Variants in TMCO5A observed in about 807,000 individuals in gnomAD.
TMCO5A encodes the protein transmembrane and coiled-coil domains 5A.
In TMCO5A, 34 loss-of-function variants were observed where a neutral mutation model predicts 42.3. The ratio of observed to expected loss-of-function variants is 0.80; its 90% CI spans 0.61 to 1.07. The LOEUF is 1.07. TMCO5A is among the 50% of genes least tolerant of loss of function. TMCO5A has a pLI of 0.00. For synonymous variants in TMCO5A, 131 were observed against 115.6 expected, an observed-to-expected ratio of 1.13 and a Z score of -0.86; for missense variants, 357 against 327.9, an observed-to-expected ratio of 1.09 and a Z score of -0.69.
the TMCO5A span, among the ~76,000 whole-genome samples, chr15:38,026,278 C>T: frequency 6.3e-4 from 96 of 152,162 alleles, no homozygotes; most frequent in Non-Finnish European, 9.7e-4. Flanking sequence ...CAATAAGGTC[C>T]AGGCTGAGGT....
chr15:37,992,097 T>A, the TMCO5A span, among the ~76,000 whole-genome samples: 2 of 152,076 alleles, frequency 1.3e-5, no homozygotes, highest in African/African-American at 4.8e-5. Flanking sequence ...TGCAAAACTA[T>A]GTATCTGACA....
At chr15:38,022,025 TG>T in the TMCO5A span, among the ~76,000 whole-genome samples, 4 of 152,138 alleles carry the variant, frequency 2.6e-5, no homozygotes, top group African/African-American at 9.7e-5. Flanking sequence ...TTGGCCAGGA[TG>T]GTCTCGATCT....
chr15:37,936,810 A>G, intron 3 of TMCO5A, 37 bp from the exon 4 acceptor site: 1 of 1,608,534 alleles, frequency 6.2e-7, no homozygotes, highest in South Asian at 1.1e-5. Context: ...GAAACTGCCA[A>G]GCATGGGTCC....
intron 8 of TMCO5A, 141 bp downstream of exon 8, chr15:37,941,871 C>T (rs1476449353): frequency 1.4e-6 from 1 of 697,408 alleles, no homozygotes; most frequent in Non-Finnish European, 2.5e-6. Context: ...GTCATCAGCA[C>T]CCCACCTCAC....
the TMCO5A span, among the ~76,000 whole-genome samples, chr15:38,037,900 C>T: frequency 6.6e-6 from 1 of 151,838 alleles, no homozygotes; most frequent in Non-Finnish European, 1.5e-5. Context: ...GCAGTCCCAG[C>T]TACTCTGGAG....
chr15:38,003,749 A>T, the TMCO5A span, among the ~76,000 whole-genome samples: 3 of 151,958 alleles, frequency 2.0e-5, no homozygotes, highest in African/African-American at 4.8e-5. Flanking sequence ...CTCTTCAGTC[A>T]GCTTGTGGTG....
the TMCO5A span, among the ~76,000 whole-genome samples, chr15:37,990,755 C>T: frequency 6.6e-6 from 1 of 151,928 alleles, no homozygotes; most frequent in East Asian, 1.9e-4. Context: ...TATTGAAACA[C>T]TGTAATTTCC....
the TMCO5A span, among the ~76,000 whole-genome samples, chr15:37,991,532 T>C: frequency 1.3e-5 from 2 of 152,250 alleles, no homozygotes; most frequent in East Asian, 1.9e-4. Context: ...TTTCTCTGAA[T>C]ACTCTCTGCT....
At chr15:37,995,728 T>A in the TMCO5A span, among the ~76,000 whole-genome samples, 1 of 152,146 alleles carries the variant, frequency 6.6e-6, no homozygotes, top group Non-Finnish European at 1.5e-5. Context: ...GCTGCAAAAA[T>A]TATTTTTATC....
chr15:37,953,947 C>G (rs191130466), downstream of TMCO5A, among the ~76,000 whole-genome samples: 2 of 151,548 alleles, frequency 1.3e-5, no homozygotes, highest in African/African-American at 4.9e-5. Context: ...CTTTTAATAG[C>G]AGAATTGATC....
At chr15:37,991,612 G>C in the TMCO5A span, among the ~76,000 whole-genome samples, 2 of 151,962 alleles carry the variant, frequency 1.3e-5, no homozygotes, top group Admixed American at 6.6e-5. Context: ...GATCCCTTAG[G>C]ACCTTTTCAC....
chr15:37,960,987 G>T lies in TMCO5A; in HGVS notation c.669-5638G>T, dbSNP rs554966743. 2.7e-5 allele frequency among the ~76,000 whole-genome samples: 4 copies of T among 150,066 alleles called. No homozygotes were observed. The East Asian group carries it at 7.9e-4, about 30-fold the overall frequency. ...TGCGAAGATTTTCTGCCACTCTGTG[G>T]ACTGTCTGTTTACTCTGCTGACTAT... is the stretch of plus-strand genomic sequence containing the variant. On this transcript the variant is annotated intron_variant, in intron 11 of 11. Transcript: ENST00000559502.
intron 11 of TMCO5A, chr15:37,966,586 AATG>A: frequency 5.7e-6 from 4 of 702,890 alleles, no homozygotes; most frequent in Non-Finnish European, 1.0e-5. Flanking sequence ...ACCTCAAAAC[AATG>A]TCTTGGGACA....
At chr15:38,005,291 C>T in the TMCO5A span, among the ~76,000 whole-genome samples, 1 of 144,928 alleles carries the variant, frequency 6.9e-6, no homozygotes, top group Non-Finnish European at 1.5e-5. Flanking sequence ...AAAGGAAACA[C>T]CAGACTGAGC....
At chr15:38,029,477 T>A in the TMCO5A span, among the ~76,000 whole-genome samples, 2 of 152,142 alleles carry the variant, frequency 1.3e-5, no homozygotes, top group Non-Finnish European at 2.9e-5. Context: ...ATTTTACTTA[T>A]CTTGAGACAG....
At chr15:38,036,021 A>G in the TMCO5A span, among the ~76,000 whole-genome samples, 1 of 152,162 alleles carries the variant, frequency 6.6e-6, no homozygotes, top group Non-Finnish European at 1.5e-5. Context: ...TAATGCCACT[A>G]GCCAAATGGG....
the TMCO5A span, among the ~76,000 whole-genome samples, chr15:37,997,463 G>A: frequency 6.6e-6 from 1 of 152,174 alleles, no homozygotes; most frequent in East Asian, 1.9e-4. Context: ...AAGTGAAAAT[G>A]TGGTTTGTCT....
intron 11 of TMCO5A, among the ~76,000 whole-genome samples, chr15:37,961,383 C>A (rs1890423775): frequency 6.6e-6 from 1 of 152,138 alleles, no homozygotes; most frequent in Non-Finnish European, 1.5e-5. Flanking sequence ...GTTCTCTATT[C>A]TGTTCCATTG....
At chr15:37,947,482 T>G (rs545648365) in intron 10 of TMCO5A, among the ~76,000 whole-genome samples, 174 bp from the exon 11 acceptor site, 1 of 152,016 alleles carries the variant, frequency 6.6e-6, no homozygotes, top group East Asian at 1.9e-4. Context: ...CAAATAACAA[T>G]AATAATAAAC....
Sources: allele counts gnomAD v4.1 joint callset (sites outside exome capture counted in the v4.1 genomes callset), GRCh38; gene constraint gnomAD v4.1.1; transcripts MANE v1.5; gene names NCBI Gene and HGNC (gene_info 2026-07-23, HGNC 2026-07-21).